The following ACAP3 variants were observed in gnomAD, a reference collection of about 807,000 sequenced individuals.
The protein encoded by ACAP3 is ArfGAP with coiled-coil, ankyrin repeat and PH domains 3.
Under a neutral mutation model 104.1 loss-of-function variants are expected in ACAP3, and 56 were observed. That is an observed-to-expected ratio of 0.54 (90% CI 0.43 to 0.67). The LOEUF (loss-of-function observed/expected upper bound fraction) is 0.67, where lower values mean the gene tolerates loss of function less well. ACAP3 is among the 30% of genes least tolerant of loss of function. The probability of loss-of-function intolerance (pLI) is 0.00; values close to 1 mark genes in which losing one functional copy is unlikely to be tolerated. For synonymous variants in ACAP3, 628 were observed against 496.2 expected (o/e 1.27, Z -3.53); for missense variants, 1,208 against 1,174.9 (o/e 1.03, Z -0.41).
chr1:1,302,292 C>T (rs550711935), intron 4 of ACAP3, among the ~76,000 whole-genome samples: 1 of 152,012 alleles, frequency 6.6e-6, no homozygotes, highest in African/African-American at 2.4e-5. Flanking sequence ...GAGGCCAAGG[C>T]TGCCTCATCA....
At chr1:1,296,894 C>T (rs535246122) in intron 14 of ACAP3, among the ~76,000 whole-genome samples, 1 of 152,170 alleles carries the variant, frequency 6.6e-6, no homozygotes, top group Non-Finnish European at 1.5e-5. Context: ...TACGTGTGCA[C>T]ACCCTCACGT....
intron 9 of ACAP3, 156 bp downstream of exon 9, chr1:1,299,675 T>A (rs1641358261): frequency 1.1e-6 from 1 of 935,240 alleles, no homozygotes; most frequent in South Asian, 1.8e-5. Flanking sequence ...ACTGCACACA[T>A]CAAAGGGAGC....
At chr1:1,297,735 G>T in intron 14 of ACAP3, 87 bp downstream of exon 14, 1 of 1,219,812 alleles carries the variant, frequency 8.2e-7, no homozygotes, top group Non-Finnish European at 1.1e-6. Context: ...GGTGGCACGT[G>T]TGTGTGTGCA....
chr1:1,295,664 C>G, intron 18 of ACAP3, 72 bp downstream of exon 18: 1 of 1,551,460 alleles, frequency 6.4e-7, no homozygotes, highest in Non-Finnish European at 8.7e-7. Flanking sequence ...AGCCCTGCCA[C>G]CAGCCCCTTG....
chr1:1,303,440 GCCTGCC>G lies in ACAP3; in HGVS notation c.106-165_106-160del. 1 of 783,994 alleles carries G rather than the reference GCCTGCC, an allele frequency of 1.3e-6. No individual in the cohort carries two copies. Among genetic ancestry groups the G allele is most frequent in the Admixed American group, 3.1e-5 (1 of 32,030 alleles). 48.6% of individuals were successfully genotyped at this position (783,994 alleles called of 1,614,324 possible). On this transcript the variant is annotated intron_variant, in intron 2 of 23. Coordinates refer to ENST00000354700, the MANE Select transcript of ACAP3 (RefSeq NM_030649.3). This position sits in a 1 kb window ranked among gnomAD's most constrained non-coding sequence, Gnocchi z 4.0. The stretch of plus-strand genomic sequence containing the variant: ...CCCGGTGCAGCTTCCTCACGCCTGG[GCCTGCC>G]TGGGGCTTGGAGGCCCGTCTGGGAG...
rs1341103065 is a variant in ACAP3 at position 1,300,180 on chromosome 1, T to A, written c.545A>T (p.Lys182Met). The change falls in exon 7 of 24, where the codon AAG becomes ATG. Residue 182 changes from lysine to methionine, a missense_variant. Physicochemically the swap from Lys to Met is moderately conservative, Grantham distance 95 (BLOSUM62 -1). Coordinates refer to ENST00000354700, the MANE Select transcript of ACAP3 (RefSeq NM_030649.3). ...VLQINVLQAK[K>M]KFEILDSMLS... ...CACAGAGTCCAGGATCTCAAACTTC[T>A]TCTTGGCCTGCAGAACATTGATCTG... 1 of 1,610,254 alleles carries A rather than the reference T, an allele frequency of 6.2e-7. No individual in the cohort carries two copies. The highest frequency in any genetic ancestry group is 1.7e-5 in the Admixed American group (1 of 59,750).
At position 1,295,928 on chromosome 1, in the gene ACAP3, C is replaced by T. The variant is rs1452130030; in HGVS notation, c.1513G>A (p.Glu505Lys). ...ACGTATTTGTCCTTGATCCAGGCCT[C>T]CTTGTCCTGCCTGGACCAGGGGGGA... ...PTASSSRQDK[E>K]AWIKDKYVEK... is the part of the protein sequence containing the mutation. The change falls in exon 18 of 24, where the codon GAG (glutamate) becomes AAG (lysine). Residue 505 changes from glutamate (E) to lysine (K), a missense_variant. Physicochemically the swap from Glu to Lys is moderately conservative, Grantham distance 56. Transcript: ENST00000354700. 10 of 1,612,406 alleles carry T rather than the reference C, an allele frequency of 6.2e-6. No individual in the cohort carries two copies. The highest frequency in any genetic ancestry group is 8.5e-6 in the Non-Finnish European group (10 of 1,179,970).
At position 1,303,760 on chromosome 1, in the gene ACAP3, CCAGCCACACCAAGGCT is replaced by C; in HGVS notation, c.105+310_105+325del. On this transcript the variant is annotated intron_variant, in intron 2 of 23. Coordinates refer to ENST00000354700, the MANE Select transcript of ACAP3 (RefSeq NM_030649.3). The surrounding 1 kb of genome is among the most constrained non-coding windows in gnomAD (Gnocchi z 4.0). The stretch of plus-strand genomic sequence containing the variant: ...CCCCTCCCCTTTCTCAGCCCCAGCC[CCAGCCACACCAAGGCT>C]CAGCCCACACAGCAGCTGTCCCCGT... 5 of 486,146 alleles carry C rather than the reference CCAGCCACACCAAGGCT, an allele frequency of 1.0e-5. No individual in the cohort carries two copies. The highest frequency in any genetic ancestry group is 1.9e-5 in the Non-Finnish European group (5 of 269,318). 30.1% of individuals were successfully genotyped at this position (486,146 alleles called of 1,614,324 possible).
rs777031176 is a variant in ACAP3, at chr1:1,298,454, G to A, written c.864-33C>T. ...GGTGGGGGGATGTGGGGAGTCAGGC[G>A]GGGCCCATCCCAGGGCTGCTGTGAC... On this transcript the variant is annotated intron_variant, in intron 11 of 23. Coordinates refer to ENST00000354700, the MANE Select transcript of ACAP3 (RefSeq NM_030649.3). 28 of 1,595,072 alleles carry A rather than the reference G, an allele frequency of 1.8e-5. No individual in the cohort carries two copies. In the South Asian group the frequency reaches 1.9e-4, roughly 11 times the overall value.
rs1299358834 is a variant in ACAP3, at chr1:1,295,889, G to C, written c.1552C>G (p.Leu518Val). ...GCTGGTGCCATGGGCGCCTTCCGCAGAAACTTCTTTTCCACGTATTTGTCC... is the reference window on the plus strand; with the variant it reads ...GCTGGTGCCATGGGCGCCTTCCGCACAAACTTCTTTTCCACGTATTTGTCC... Reference protein sequence around the residue: ...IKDKYVEKKFLRKAPMAPALE... With the variant: ...IKDKYVEKKFVRKAPMAPALE... The change falls in exon 18 of 24, where the codon CTG becomes GTG. Residue 518 changes from leucine (L) to valine (V), a missense_variant. Coordinates refer to ENST00000354700, the MANE Select transcript of ACAP3 (RefSeq NM_030649.3). 1.1e-5 allele frequency: 17 copies of C among 1,612,138 alleles called. No homozygotes were observed. The highest frequency in any genetic ancestry group is 1.4e-5 in the Non-Finnish European group (17 of 1,179,966).
Position 1,296,405 on chromosome 1 carries a change from C to T in ACAP3, c.1337+20G>A, listed in dbSNP as rs1433053619. ...GCTCCAGCCCAACCCCCACCCCCAG[C>T]CTGGCCCTCAGGGGCCCACCTGTGG... On this transcript the variant is annotated intron_variant, in intron 15 of 23. Coordinates refer to ENST00000354700, the MANE Select transcript of ACAP3 (RefSeq NM_030649.3). 6.5e-7 allele frequency: 1 copy of T among 1,544,722 alleles called. No homozygotes were observed. The highest frequency in any genetic ancestry group is 1.4e-5 in the African/African-American group (1 of 72,842).
In ACAP3 at chr1:1,296,507, C is replaced by T. The variant is rs1041472258; in HGVS notation, c.1255G>A (p.Gly419Ser). 6.5e-6 allele frequency: 10 copies of T among 1,541,446 alleles called. No individual in the cohort carries two copies. The highest frequency in any genetic ancestry group is 3.9e-5 in the Admixed American group (2 of 50,998). Reference sequence around the variant, plus strand: ...CGGGGGTCCGGCTGGCCGCAGTCGCCGCACTGGCTGTTGCCGGCCACACTC... The same window carrying T: ...CGGGGGTCCGGCTGGCCGCAGTCGCTGCACTGGCTGTTGCCGGCCACACTC... ...VQSVAGNSQC[G>S]DCGQPDPRWA... is the part of the protein sequence containing the mutation. The change falls in exon 15 of 24, where the codon GGC (glycine) becomes AGC (serine). Residue 419 changes from glycine (G) to serine (S), a missense_variant. Physicochemically the swap from Gly to Ser is moderately conservative, Grantham distance 56 (BLOSUM62 0). Transcript: ENST00000354700.
intron 1 of ACAP3, chr1:1,304,572 C>T (rs902001706): frequency 1.8e-5 from 4 of 225,622 alleles, no homozygotes; most frequent in Admixed American, 1.6e-4. Flanking sequence ...CCAGGTCTGG[C>T]ACCCATGCAC....
chr1:1,299,159 GCC>G (rs562951904), intron 10 of ACAP3, 184 bp downstream of exon 10: 7,972 of 770,834 alleles, frequency 0.01, 77 homozygotes, highest in Non-Finnish European at 0.013. Context: ...GACAGCTGCC[GCC>G]AACCCCACGG....
chr1:1,295,689 C>A (rs760209060), intron 18 of ACAP3, 47 bp downstream of exon 18: 1 of 1,563,710 alleles, frequency 6.4e-7, no homozygotes, highest in Non-Finnish European at 8.6e-7. Context: ...AGTCCATCCC[C>A]GACCAAGGCA....
intron 4 of ACAP3, 120 bp downstream of exon 4, chr1:1,302,802 C>CG (rs1487091667): frequency 9.6e-5 from 30 of 312,558 alleles, no homozygotes; most frequent in South Asian, 2.0e-4. Flanking sequence ...GATTCCCCCC[C>CG]CCCCCGACTA....
chr1:1,294,649 G>A (rs752361765), intron 20 of ACAP3, 21 bp from the exon 21 acceptor site: 1 of 1,533,234 alleles, frequency 6.5e-7, no homozygotes, highest in Non-Finnish European at 8.8e-7. Context: ...GGGGCGGTCA[G>A]GGAAAGCAAC....
chr1:1,301,286 GTCTC>G (rs1354698285), intron 5 of ACAP3, among the ~76,000 whole-genome samples: 1 of 125,902 alleles, frequency 7.9e-6, no homozygotes, highest in African/African-American at 3.0e-5. Flanking sequence ...TTTTGATGGA[GTCTC>G]TCTCTGTCAC....
At chr1:1,304,175 C>T in intron 1 of ACAP3, 32 bp from the exon 2 acceptor site, 1 of 1,550,112 alleles carries the variant, frequency 6.5e-7, no homozygotes, top group Non-Finnish European at 8.7e-7. Context: ...CTGGGGTCAC[C>T]TGCAGCCTCA....
Sources: gnomAD v4.1 joint callset for allele counts (sites outside exome capture counted in the v4.1 genomes callset) on GRCh38, gnomAD v4.1.1 for gene constraint, Gnocchi (gnomAD v3.1) non-coding constraint, MANE v1.5 for transcripts, NCBI Gene and HGNC (gene_info 2026-07-23, HGNC 2026-07-21) for gene names.